The following BRWD1 variants were observed in gnomAD, a reference collection of about 807,000 sequenced individuals.
The protein encoded by BRWD1 is bromodomain and WD repeat-containing protein 1.
In BRWD1, 82 loss-of-function variants were observed where a neutral mutation model predicts 251.2. The observed-to-expected ratio is 0.33, with a 90% CI of 0.27 to 0.39. The LOEUF is 0.39. BRWD1 is among the 10% of genes least tolerant of loss of function. The probability of loss-of-function intolerance (pLI) is 1.00; values close to 1 mark genes in which losing one functional copy is unlikely to be tolerated. For missense variants in BRWD1, 2,233 were observed against 2,711.6 expected (o/e 0.82, Z 3.92); for synonymous variants, 918 against 902.8 (o/e 1.02, Z -0.30).
intron 21 of BRWD1, among the ~76,000 whole-genome samples, chr21:39,241,063 G>A (rs1249762491): frequency 6.7e-6 from 1 of 149,838 alleles, no homozygotes; most frequent in East Asian, 2.0e-4. Flanking sequence ...ACCACGCCCA[G>A]CTAATTTTTT....
intron 34 of BRWD1, among the ~76,000 whole-genome samples, chr21:39,212,391 T>A (rs2032699741): frequency 1.3e-5 from 2 of 152,308 alleles, no homozygotes; most frequent in South Asian, 2.1e-4. Context: ...CTTAACAGTC[T>A]ATGGACATGC....
Position 39,241,473 on chromosome 21 carries a change from TAAAAAAAAAAAAAAAAAAAAAAAAA to T in BRWD1, c.2482-2925_2482-2901del, listed in dbSNP as rs61488970. Among the ~76,000 whole-genome samples the T allele has an allele frequency of 5.5e-3, 245 of 44,936 alleles. 2 individuals carry two copies. Among genetic ancestry groups the T allele is most frequent in the Middle Eastern group, 0.025 (1 of 40 alleles). The allele number at this position is 44,936 out of a possible 152,430, so 29.5% of individuals were successfully genotyped here. On this transcript the variant is annotated intron_variant, in intron 21 of 40. Coordinates refer to ENST00000342449, the MANE Select transcript of BRWD1 (RefSeq NM_033656.4). Reference sequence around the variant, plus strand: ...ACAGAGCAAGATTCCATCTCCAAAGTAAAAAAAAAAAAAAAAAAAAAAAAAAAAAAAAAAAAAAAAAAGATTTAAA... The same window carrying T: ...ACAGAGCAAGATTCCATCTCCAAAGTAAAAAAAAAAAAAAAAAGATTTAAA...
At chr21:39,293,510 A>T (rs2035874158) in intron 8 of BRWD1, among the ~76,000 whole-genome samples, 1 of 151,864 alleles carries the variant, frequency 6.6e-6, no homozygotes, top group African/African-American at 2.4e-5. Flanking sequence ...AAAAAAAATC[A>T]ACTTAGCAAA....
chr21:39,266,479 G>A (rs1028458944), intron 15 of BRWD1, among the ~76,000 whole-genome samples: 1 of 152,124 alleles, frequency 6.6e-6, no homozygotes, highest in African/African-American at 2.4e-5. Flanking sequence ...CAGTGGGGAG[G>A]GAGTGGCAAA....
intron 29 of BRWD1, among the ~76,000 whole-genome samples, chr21:39,221,711 A>G (rs1013247945): frequency 1.3e-5 from 2 of 152,140 alleles, no homozygotes. Flanking sequence ...CAACGCAGGC[A>G]TATCACTTGA....
chr21:39,264,183 A>G (rs778482009), intron 17 of BRWD1, among the ~76,000 whole-genome samples: 10 of 152,184 alleles, frequency 6.6e-5, no homozygotes, highest in Non-Finnish European at 1.2e-4. Flanking sequence ...TTGGTTACAC[A>G]CTATAGATTT....
At chr21:39,295,682 A>T in intron 7 of BRWD1, 61 bp downstream of exon 7, 1 of 1,284,800 alleles carries the variant, frequency 7.8e-7, no homozygotes. Context: ...TTCCTAGATG[A>T]TTCTGAAGCA....
intron 13 of BRWD1, among the ~76,000 whole-genome samples, chr21:39,270,990 T>A (rs2035078740): frequency 1.3e-5 from 2 of 152,210 alleles, no homozygotes; most frequent in Non-Finnish European, 2.9e-5. Context: ...ATGTTTTTCA[T>A]CCTTTATAAA....
At chr21:39,202,623 G>T in intron 37 of BRWD1, 78 bp from the exon 38 acceptor site, 1 of 947,126 alleles carries the variant, frequency 1.1e-6, no homozygotes, top group Non-Finnish European at 1.6e-6. Flanking sequence ...TGACTAAATA[G>T]AAGTATATCA....
chr21:39,220,659 T>A (rs1410952646), intron 29 of BRWD1, among the ~76,000 whole-genome samples: 1 of 152,170 alleles, frequency 6.6e-6, no homozygotes, highest in African/African-American at 2.4e-5. Context: ...TTGGCACATA[T>A]GTTAGAATTA....
rs950601539 is a variant in BRWD1, at chr21:39,195,246, T to C, written c.*1013A>G. On this transcript the variant is annotated 3_prime_UTR_variant, in exon 41 of 41. Transcript: ENST00000342449. ...AGAATGACATTTAGCTATTTTCCTA[T>C]ATAGATAAGATTTGCAATTGTACTC... The C allele has an allele frequency of 1.1e-5, 11 of 1,024,882 alleles. No homozygotes were observed. In the South Asian group the frequency reaches 2.7e-4, roughly 25 times the overall value. 63.5% of individuals were successfully genotyped at this position (1,024,882 alleles called of 1,614,324 possible).
Position 39,278,734 on chromosome 21 carries a change from A to C in BRWD1, c.1003+9T>G. On this transcript the variant is annotated intron_variant, in intron 10 of 40. Coordinates refer to ENST00000342449, the MANE Select transcript of BRWD1 (RefSeq NM_033656.4). The stretch of plus-strand genomic sequence containing the variant: ...AAAAACTAAGAAAAAAATGTGAAGA[A>C]GTTCTTACCAACACTAAAAGAAGAA... 3 of 1,562,802 alleles carry C rather than the reference A, an allele frequency of 1.9e-6. No homozygotes were observed. Among genetic ancestry groups the C allele is most frequent in the Non-Finnish European group, 2.6e-6 (3 of 1,161,510 alleles).
intron 4 of BRWD1, among the ~76,000 whole-genome samples, chr21:39,301,505 G>A (rs73903913): frequency 0.052 from 7,851 of 152,060 alleles, 699 homozygotes; most frequent in African/African-American, 0.18. Context: ...TCCAGGAACC[G>A]AATCCTGCCA....
rs2031218011 is a variant in BRWD1, at chr21:39,186,152, T to G, written c.*10107A>C. ...TCACTGTATCTAAAAATATGACTGT[T>G]TTGATCTTAAGCTATACATTTTATT... On this transcript the variant is annotated 3_prime_UTR_variant, in exon 41 of 41. Coordinates refer to ENST00000342449, the MANE Select transcript of BRWD1 (RefSeq NM_033656.4). 6.6e-6 allele frequency: 1 copy of G among 152,206 alleles called. No homozygotes were observed. Among genetic ancestry groups the G allele is most frequent in the Non-Finnish European group, 1.5e-5 (1 of 68,020 alleles). 9.4% of individuals were successfully genotyped at this position (152,206 alleles called of 1,614,324 possible).
At chr21:39,279,220 G>A (rs774773718) in intron 9 of BRWD1, among the ~76,000 whole-genome samples, 1 of 152,086 alleles carries the variant, frequency 6.6e-6, no homozygotes, top group East Asian at 1.9e-4. Flanking sequence ...ATTTTCCAGT[G>A]TGTATTTGAG....
intron 10 of BRWD1, 147 bp downstream of exon 10, chr21:39,278,596 C>A: frequency 1.7e-6 from 1 of 585,624 alleles, no homozygotes. Context: ...ACAAGGCTAA[C>A]AAAATAAACA....
chr21:39,266,003 C>A (rs2034907676), intron 15 of BRWD1, among the ~76,000 whole-genome samples: 1 of 152,124 alleles, frequency 6.6e-6, no homozygotes, highest in Admixed American at 6.6e-5. Context: ...TTGGTTAACT[C>A]TACAGTGTAG....
chr21:39,245,467 C>T (rs2034152477), intron 21 of BRWD1, among the ~76,000 whole-genome samples: 2 of 152,112 alleles, frequency 1.3e-5, no homozygotes, highest in South Asian at 4.1e-4. Flanking sequence ...AACTCAAACC[C>T]CATGCTTAAT....
chr21:39,187,373 A>T lies in BRWD1; in HGVS notation c.*8886T>A. ...ACTGCATCCTTCTGATTATGCATAC[A>T]TGTTCTCACTTTTGTATTGGGTTCT... On this transcript the variant is annotated 3_prime_UTR_variant, in exon 41 of 41. Coordinates refer to ENST00000342449, the MANE Select transcript of BRWD1 (RefSeq NM_033656.4). 6.2e-7 allele frequency: 1 copy of T among 1,605,352 alleles called. No homozygotes were observed. The highest frequency in any genetic ancestry group is 2.2e-5 in the East Asian group (1 of 44,778).
Sources: gnomAD v4.1 joint callset for allele counts (sites outside exome capture counted in the v4.1 genomes callset) on GRCh38, gnomAD v4.1.1 for gene constraint, MANE v1.5 for transcripts, NCBI Gene and HGNC (gene_info 2026-07-23, HGNC 2026-07-21) for gene names.